The following SNTG1 variants were observed in gnomAD, a reference collection of about 807,000 sequenced individuals.
SNTG1 encodes the protein gamma-1-syntrophin.
A neutral mutation model predicts 74.7 loss-of-function variants in SNTG1; 39 were observed. The ratio of observed to expected loss-of-function variants is 0.52; its 90% CI spans 0.40 to 0.68. SNTG1 has a LOEUF of 0.68. SNTG1 is among the 30% of genes least tolerant of loss of function. The pLI, the probability that SNTG1 is intolerant of heterozygous loss-of-function variation, is 0.00. For synonymous variants in SNTG1, 254 were observed against 217.1 expected (o/e 1.17, Z -1.49); for missense variants, 685 against 609.5 (o/e 1.12, Z -1.30).
At chr8:50,123,456 T>C (rs2081055941) in intron 1 of SNTG1, among the ~76,000 whole-genome samples, 1 of 142,230 alleles carries the variant, frequency 7.0e-6, no homozygotes, top group South Asian at 2.6e-4. Context: ...TCAGCTAAAA[T>C]TATAGTTTTA....
intron 2 of SNTG1, among the ~76,000 whole-genome samples, chr8:50,237,654 A>G (rs1264705796): frequency 1.3e-5 from 2 of 152,122 alleles, no homozygotes; most frequent in Admixed American, 6.5e-5. Context: ...TTATTTTAGT[A>G]TCCATTTAAA....
At chr8:50,422,012 G>A (rs563285396) in intron 4 of SNTG1, among the ~76,000 whole-genome samples, 2 of 152,178 alleles carry the variant, frequency 1.3e-5, no homozygotes, top group Admixed American at 6.5e-5. Flanking sequence ...TAGAGTAAAT[G>A]TTTCTTTTCA....
chr8:50,713,128 AG>A (rs1462459054), intron 17 of SNTG1, among the ~76,000 whole-genome samples: 1 of 152,184 alleles, frequency 6.6e-6, no homozygotes. Flanking sequence ...ACAGTATAAA[AG>A]TATTCCTATT....
At chr8:50,080,060 G>A (rs1822265739) in intron 1 of SNTG1, among the ~76,000 whole-genome samples, 1 of 151,916 alleles carries the variant, frequency 6.6e-6, no homozygotes, top group Non-Finnish European at 1.5e-5. Flanking sequence ...TTTTCTAATG[G>A]CCTTTGCTGT....
At chr8:50,614,421 T>C (rs2094872623) in intron 13 of SNTG1, among the ~76,000 whole-genome samples, 1 of 152,116 alleles carries the variant, frequency 6.6e-6, no homozygotes, top group Non-Finnish European at 1.5e-5. Context: ...GAGATCATTT[T>C]ATTTTACCAT....
rs142950200 is a variant in SNTG1 at position 50,621,323 on chromosome 8, C to T, written c.849+30406C>T. On this transcript the variant is annotated intron_variant, in intron 13 of 18. Transcript: ENST00000642720. ...CCACATGGCTGGGCTGTCACTACCC[C>T]AAGATACGGCCTTACAAGCACAAAG... Among the ~76,000 whole-genome samples, 558 of 152,192 alleles carry T rather than the reference C, an allele frequency of 3.7e-3. 4 individuals carry two copies. The highest frequency in any genetic ancestry group is 5.6e-3 in the Admixed American group (85 of 15,290).
At chr8:49,956,947 T>C (rs767360484) in intron 1 of SNTG1, among the ~76,000 whole-genome samples, 26 of 152,186 alleles carry the variant, frequency 1.7e-4, no homozygotes, top group Non-Finnish European at 3.5e-4. Flanking sequence ...ATATGTGGAA[T>C]GTAAGAACTC....
chr8:50,481,615 C>T (rs900126098), intron 8 of SNTG1, among the ~76,000 whole-genome samples: 1 of 152,094 alleles, frequency 6.6e-6, no homozygotes, highest in Non-Finnish European at 1.5e-5. Context: ...ACTGAGATTG[C>T]ATTTTAAGGA....
intron 1 of SNTG1, among the ~76,000 whole-genome samples, chr8:50,009,002 G>A (rs1048921290): frequency 7.5e-5 from 11 of 145,786 alleles, no homozygotes; most frequent in African/African-American, 2.8e-4. Flanking sequence ...CTCTTATAGG[G>A]AATCAATATC....
chr8:49,957,053 G>A (rs752615865), intron 1 of SNTG1, among the ~76,000 whole-genome samples: 5 of 152,182 alleles, frequency 3.3e-5, no homozygotes, highest in Non-Finnish European at 7.3e-5. Flanking sequence ...TTAGTTACAA[G>A]ATGAGTAAGT....
intron 8 of SNTG1, among the ~76,000 whole-genome samples, chr8:50,498,421 C>T (rs2093922717): frequency 6.6e-6 from 1 of 151,698 alleles, no homozygotes; most frequent in Non-Finnish European, 1.5e-5. Context: ...ATATACCTGC[C>T]TAAGATTTTT....
intron 1 of SNTG1, among the ~76,000 whole-genome samples, chr8:50,047,330 C>T (rs961155824): frequency 3.3e-5 from 5 of 151,176 alleles, no homozygotes; most frequent in Admixed American, 6.6e-5. Context: ...CACAGAGATG[C>T]TGCCAAAAAA....
chr8:50,224,461 G>A (rs963632091), intron 2 of SNTG1, among the ~76,000 whole-genome samples: 1 of 152,156 alleles, frequency 6.6e-6, no homozygotes, highest in African/African-American at 2.4e-5. Context: ...GGAAGACTCA[G>A]GACCCTAGGC....
intron 1 of SNTG1, among the ~76,000 whole-genome samples, chr8:50,135,353 T>G (rs2081439362): frequency 1.3e-5 from 2 of 152,178 alleles, no homozygotes; most frequent in Admixed American, 6.5e-5. Flanking sequence ...AAGTAAAATA[T>G]TACATAAGGA....
At chr8:50,642,247 C>T (rs546212048) in intron 13 of SNTG1, among the ~76,000 whole-genome samples, 2 of 152,276 alleles carry the variant, frequency 1.3e-5, no homozygotes, top group South Asian at 2.1e-4. Context: ...TAAAGCCTTC[C>T]CTGCTGCCAA....
chr8:50,559,189 A>G (rs1040956679), intron 12 of SNTG1, among the ~76,000 whole-genome samples: 6 of 152,222 alleles, frequency 3.9e-5, no homozygotes, highest in African/African-American at 9.6e-5. Context: ...AGATGAATCT[A>G]GATGAACATT....
intron 17 of SNTG1, among the ~76,000 whole-genome samples, chr8:50,737,860 C>T: frequency 6.6e-6 from 1 of 151,934 alleles, no homozygotes; most frequent in East Asian, 1.9e-4. Flanking sequence ...AATTCAACAC[C>T]CTTCATGCTA....
At chr8:50,191,986 G>T (rs908016832) in intron 2 of SNTG1, among the ~76,000 whole-genome samples, 6 of 152,108 alleles carry the variant, frequency 3.9e-5, no homozygotes, top group Non-Finnish European at 4.4e-5. Flanking sequence ...CACAGCAAAA[G>T]AGGATTTCCA....
At chr8:50,051,548 G>A (rs561016808) in intron 1 of SNTG1, among the ~76,000 whole-genome samples, 1 of 152,124 alleles carries the variant, frequency 6.6e-6, no homozygotes, top group Non-Finnish European at 1.5e-5. Context: ...TCACAGTTGT[G>A]TAAGTTTGAA....
Sources: gnomAD v4.1 joint callset for allele counts (sites outside exome capture counted in the v4.1 genomes callset) on GRCh38, gnomAD v4.1.1 for gene constraint, MANE v1.5 for transcripts, NCBI Gene and HGNC (gene_info 2026-07-23, HGNC 2026-07-21) for gene names.